The following FSTL4 variants were observed in gnomAD, a reference collection of about 807,000 sequenced individuals.
FSTL4 encodes the protein follistatin like 4.
Under a neutral mutation model 78.2 loss-of-function variants are expected in FSTL4, and 28 were observed. That is an observed-to-expected ratio of 0.36 (90% CI 0.27 to 0.49). The LOEUF is 0.49. FSTL4 is among the 20% of genes least tolerant of loss of function. The pLI, the probability that FSTL4 is intolerant of heterozygous loss-of-function variation, is 0.98. For synonymous variants in FSTL4, 422 were observed against 440.5 expected (o/e 0.96, Z 0.53); for missense variants, 922 against 1,084.9 (o/e 0.85, Z 2.11).
At chr5:133,519,766 A>T (rs1255737453) in intron 3 of FSTL4, among the ~76,000 whole-genome samples, 1 of 152,220 alleles carries the variant, frequency 6.6e-6, no homozygotes, top group East Asian at 1.9e-4. Flanking sequence ...ACAAGAAATC[A>T]AAATAAGTCA....
chr5:133,703,559 CA>C, the FSTL4 span, among the ~76,000 whole-genome samples: 4 of 152,196 alleles, frequency 2.6e-5, no homozygotes. Context: ...ATAGGTTGTG[CA>C]AATGACCAGT....
intron 6 of FSTL4, among the ~76,000 whole-genome samples, chr5:133,273,632 G>C (rs1414622282): frequency 6.6e-6 from 1 of 152,204 alleles, no homozygotes; most frequent in Non-Finnish European, 1.5e-5. Context: ...TCTGAGGCTT[G>C]ACTTACCCTG....
At chr5:133,821,980 G>A in the FSTL4 span, among the ~76,000 whole-genome samples, 6 of 152,124 alleles carry the variant, frequency 3.9e-5, no homozygotes, top group African/African-American at 1.4e-4. Flanking sequence ...AAGTGACCCT[G>A]GGGGGTCACA....
At chr5:133,715,830 G>A in the FSTL4 span, among the ~76,000 whole-genome samples, 71 of 152,292 alleles carry the variant, frequency 4.7e-4, 1 homozygote, top group African/African-American at 1.7e-3. Flanking sequence ...GCCCACACCT[G>A]CTAAACCTGG....
chr5:133,266,911 G>A (rs1052277735), intron 6 of FSTL4, among the ~76,000 whole-genome samples: 2 of 152,176 alleles, frequency 1.3e-5, no homozygotes, highest in East Asian at 1.9e-4. Context: ...GGGTCCTGAC[G>A]TTTCTGGATC....
intron 3 of FSTL4, among the ~76,000 whole-genome samples, chr5:133,499,407 CACACACACAG>C (rs1225727049): frequency 6.7e-6 from 1 of 149,352 alleles, no homozygotes; most frequent in Non-Finnish European, 1.5e-5. Context: ...CACACACACA[CACACACACAG>C]AGTGTGTGAG....
At chr5:133,727,940 G>C in the FSTL4 span, among the ~76,000 whole-genome samples, 1 of 152,300 alleles carries the variant, frequency 6.6e-6, no homozygotes, top group African/African-American at 2.4e-5. Flanking sequence ...AGTGGAAAAA[G>C]GATGGAAAGA....
At chr5:133,439,244 T>A (rs757686918) in intron 3 of FSTL4, among the ~76,000 whole-genome samples, 3 of 152,218 alleles carry the variant, frequency 2.0e-5, no homozygotes, top group Non-Finnish European at 4.4e-5. Context: ...TCTTCCTTTT[T>A]ATGTTTCTAG....
chr5:133,240,633 C>T (rs1002218050), intron 7 of FSTL4, among the ~76,000 whole-genome samples: 2 of 152,060 alleles, frequency 1.3e-5, no homozygotes, highest in African/African-American at 4.8e-5. Context: ...CTTCTTCTGA[C>T]TGTGGATGCC....
intron 4 of FSTL4, among the ~76,000 whole-genome samples, chr5:133,348,109 T>C (rs899576445): frequency 1.4e-4 from 21 of 152,236 alleles, no homozygotes; most frequent in Non-Finnish European, 3.1e-4. Flanking sequence ...AGGCTGAATG[T>C]TATGGTCTCA....
chr5:133,353,431 G>A (rs1251692989), intron 4 of FSTL4, among the ~76,000 whole-genome samples: 3 of 152,218 alleles, frequency 2.0e-5, no homozygotes, highest in African/African-American at 7.2e-5. Context: ...GGTCTGAAGG[G>A]GCGTGCGAGG....
chr5:133,830,284 C>A, the FSTL4 span, among the ~76,000 whole-genome samples: 1 of 152,202 alleles, frequency 6.6e-6, no homozygotes, highest in Non-Finnish European at 1.5e-5. Flanking sequence ...GGCTTCTGGG[C>A]CATAAATCTG....
At chr5:133,553,292 G>A (rs1322109282) in intron 3 of FSTL4, among the ~76,000 whole-genome samples, 1 of 152,112 alleles carries the variant, frequency 6.6e-6, no homozygotes, top group Non-Finnish European at 1.5e-5. Flanking sequence ...ATTTCCCTCT[G>A]TCCTCCACAT....
intron 6 of FSTL4, among the ~76,000 whole-genome samples, chr5:133,260,368 T>C (rs999353106): frequency 6.6e-6 from 1 of 152,250 alleles, no homozygotes; most frequent in African/African-American, 2.4e-5. Context: ...GAGAATGCTC[T>C]GTCATGGCTG....
the FSTL4 span, among the ~76,000 whole-genome samples, chr5:133,695,821 G>A: frequency 6.6e-6 from 1 of 152,174 alleles, no homozygotes; most frequent in Non-Finnish European, 1.5e-5. Flanking sequence ...GGGGAGATGG[G>A]ACAATATGGA....
chr5:133,499,565 T>G (rs1758445981), intron 3 of FSTL4, among the ~76,000 whole-genome samples: 1 of 152,172 alleles, frequency 6.6e-6, no homozygotes, highest in Non-Finnish European at 1.5e-5. Context: ...CCTCCTAGGT[T>G]GCAGTTCAGC....
chr5:133,546,305 G>A (rs930287919), intron 3 of FSTL4, among the ~76,000 whole-genome samples: 2 of 151,968 alleles, frequency 1.3e-5, no homozygotes, highest in Non-Finnish European at 1.5e-5. Flanking sequence ...TCAGGAGTTC[G>A]AGACCAGCCT....
At chr5:133,224,415 T>C in intron 10 of FSTL4, 199 bp from the exon 11 acceptor site, 1 of 452,300 alleles carries the variant, frequency 2.2e-6, no homozygotes, top group Non-Finnish European at 4.0e-6. Context: ...TGCTTTCAGG[T>C]CTCCAGACCC....
rs143560485 is a variant in FSTL4 at position 133,217,446 on chromosome 5, T to C, written c.1459-68A>G. 4.8e-3 allele frequency: 6,870 copies of C among 1,445,032 alleles called. 22 individuals carry two copies. The highest frequency in any genetic ancestry group is 7.8e-3 in the Admixed American group (410 of 52,492). The allele number at this position is 1,445,032 out of a possible 1,614,324, so 89.5% of individuals were successfully genotyped here. On this transcript the variant is annotated intron_variant, in intron 12 of 15. Coordinates refer to ENST00000265342, the MANE Select transcript of FSTL4 (RefSeq NM_015082.2). ...TTCCCTCCAACATCTCTAGGTACTC[T>C]CTCCCCTGACCCTCCTCTGTGCCTT...
Sources: allele counts gnomAD v4.1 joint callset (sites outside exome capture counted in the v4.1 genomes callset), GRCh38; gene constraint gnomAD v4.1.1; transcripts MANE v1.5; gene names NCBI Gene and HGNC (gene_info 2026-07-23, HGNC 2026-07-21).